Variants in SCAND3 observed in about 807,000 individuals in gnomAD.
SCAND3 encodes SCAN domain-containing protein 3.
chr6:28,573,174 TTCA>T, the SCAND3 span: 1 of 1,613,780 alleles, frequency 6.2e-7, no homozygotes, highest in Non-Finnish European at 8.5e-7. Context: ...TATCTCTGCA[TTCA>T]TCAAGTTGCA....
At chr6:28,586,915 T>C in the SCAND3 span, 4 of 579,476 alleles carry the variant, frequency 6.9e-6, no homozygotes, top group East Asian at 5.7e-5. This position sits in a 1 kb window ranked among gnomAD's most constrained non-coding sequence, Gnocchi z 4.4. Flanking sequence ...GGCAATTCCA[T>C]TGAAAGTGAA....
At chr6:28,604,659 G>A in the SCAND3 span, among the ~76,000 whole-genome samples, 1 of 150,212 alleles carries the variant, frequency 6.7e-6, no homozygotes, top group African/African-American at 2.4e-5. Context: ...TTTATTTCTT[G>A]AATCTAAATT....
the SCAND3 span, chr6:28,587,182 TC>T: frequency 1.2e-5 from 2 of 165,726 alleles, no homozygotes; most frequent in South Asian, 3.3e-4. Flanking sequence ...CATGCACCCT[TC>T]CCTCGGCCGC....
the SCAND3 span, among the ~76,000 whole-genome samples, chr6:28,610,265 T>TAATC: frequency 6.7e-4 from 102 of 152,180 alleles, no homozygotes; most frequent in African/African-American, 2.3e-3. Flanking sequence ...CTCACGCCTG[T>TAATC]AATCCCTGCA....
At chr6:28,612,053 T>C in the SCAND3 span, among the ~76,000 whole-genome samples, 3 of 151,898 alleles carry the variant, frequency 2.0e-5, no homozygotes, top group Non-Finnish European at 2.9e-5. Context: ...GTTTTTTTTT[T>C]TGAGATGGAG....
the SCAND3 span, among the ~76,000 whole-genome samples, chr6:28,581,329 T>C: frequency 1.8e-4 from 27 of 152,078 alleles, no homozygotes; most frequent in Admixed American, 1.8e-3. Flanking sequence ...CAGAGTGAGA[T>C]TCCATCTCAA....
chr6:28,586,730 C>G, the SCAND3 span: 1 of 1,604,040 alleles, frequency 6.2e-7, no homozygotes, highest in Non-Finnish European at 8.5e-7. This position sits in a 1 kb window ranked among gnomAD's most constrained non-coding sequence, Gnocchi z 4.4. Flanking sequence ...CGAGCTTAGA[C>G]AGCTCAGGCA....
the SCAND3 span, among the ~76,000 whole-genome samples, chr6:28,588,293 C>A: frequency 6.6e-6 from 1 of 152,152 alleles, no homozygotes; most frequent in African/African-American, 2.4e-5. This position sits in a 1 kb window ranked among gnomAD's most constrained non-coding sequence, Gnocchi z 4.1. Context: ...CCTTTGCAAT[C>A]AGGGATTCTA....
At chr6:28,601,603 T>G in the SCAND3 span, among the ~76,000 whole-genome samples, 1 of 152,124 alleles carries the variant, frequency 6.6e-6, no homozygotes, top group Non-Finnish European at 1.5e-5. Context: ...CACTGCAGCC[T>G]CCGCCTCTCA....
At chr6:28,573,459 G>T in the SCAND3 span, 3 of 1,614,054 alleles carry the variant, frequency 1.9e-6, no homozygotes, top group Non-Finnish European at 2.5e-6. Flanking sequence ...GAGAAACGTT[G>T]AACACCTGCT....
At chr6:28,575,341 G>A in the SCAND3 span, 4 of 1,613,940 alleles carry the variant, frequency 2.5e-6, no homozygotes, top group Admixed American at 3.3e-5. The surrounding 1 kb of genome is among the most constrained non-coding windows in gnomAD (Gnocchi z 4.2). Context: ...TTTCAATTCT[G>A]GCCAAATATT....
chr6:28,586,935 TGAAAAG>T, the SCAND3 span: 1 of 574,190 alleles, frequency 1.7e-6, no homozygotes, highest in Non-Finnish European at 3.1e-6. The surrounding 1 kb of genome is among the most constrained non-coding windows in gnomAD (Gnocchi z 4.4). Flanking sequence ...AGCCATCCTC[TGAAAAG>T]ACCAGAAATA....
the SCAND3 span, among the ~76,000 whole-genome samples, chr6:28,595,837 TCAC>T: frequency 6.6e-6 from 1 of 152,170 alleles, no homozygotes; most frequent in Admixed American, 6.5e-5. Flanking sequence ...CTTTATTAAA[TCAC>T]AGATTCAAGA....
the SCAND3 span, among the ~76,000 whole-genome samples, chr6:28,593,083 A>G: frequency 3.9e-5 from 6 of 152,136 alleles, no homozygotes; most frequent in East Asian, 1.2e-3. Flanking sequence ...CATCAAACTA[A>G]CAAGTTTCTG....
the SCAND3 span, among the ~76,000 whole-genome samples, chr6:28,597,387 G>C: frequency 6.6e-6 from 1 of 152,214 alleles, no homozygotes; most frequent in African/African-American, 2.4e-5. Context: ...CAATGGATTA[G>C]CAGTCCATCG....
chr6:28,572,865 C>G, the SCAND3 span: 1 of 1,613,428 alleles, frequency 6.2e-7, no homozygotes. The surrounding 1 kb of genome is among the most constrained non-coding windows in gnomAD (Gnocchi z 4.1). Flanking sequence ...ATATTTTTTT[C>G]ATGGCAAGAC....
chr6:28,586,847 C>G, the SCAND3 span: 1 of 694,348 alleles, frequency 1.4e-6, no homozygotes, highest in African/African-American at 1.8e-5. The surrounding 1 kb of genome is among the most constrained non-coding windows in gnomAD (Gnocchi z 4.4). Flanking sequence ...CAACACAGGA[C>G]AACTACAGAC....
At chr6:28,615,982 T>C in the SCAND3 span, 6 of 152,334 alleles carry the variant, frequency 3.9e-5, no homozygotes, top group South Asian at 1.2e-3. Flanking sequence ...GGCAAATGTT[T>C]TCTTGTAAAA....
At chr6:28,580,241 G>A in the SCAND3 span, among the ~76,000 whole-genome samples, 1 of 152,066 alleles carries the variant, frequency 6.6e-6, no homozygotes, top group African/African-American at 2.4e-5. Flanking sequence ...ATCACCTGAG[G>A]TAACGAGTTC....
Sources: allele counts gnomAD v4.1 joint callset (sites outside exome capture counted in the v4.1 genomes callset), GRCh38; gene constraint gnomAD v4.1.1; non-coding constraint Gnocchi (gnomAD v3.1); transcripts MANE v1.5; gene names NCBI Gene and HGNC (gene_info 2026-07-23, HGNC 2026-07-21).